TLN1: variants seen among roughly 807,000 people sequenced by gnomAD.
The protein encoded by TLN1 is talin-1.
A neutral mutation model predicts 292.3 loss-of-function variants in TLN1; 56 were observed. The ratio of observed to expected loss-of-function variants is 0.19; its 90% CI spans 0.15 to 0.24. The LOEUF (loss-of-function observed/expected upper bound fraction) is 0.24. Ranked by LOEUF, TLN1 falls within the 10% of genes least tolerant of loss-of-function variation. The pLI is 1.00. For synonymous variants in TLN1, 1,119 were observed against 1,253.7 expected (o/e 0.89, Z 2.27); for missense variants, 2,433 against 3,248.2 (o/e 0.75, Z 6.10).
rs756252096 is a variant in TLN1, at chr9:35,711,397, G to A, written c.3880-3C>T. The A allele has an allele frequency of 1.2e-6, 2 of 1,614,210 alleles. No individual in the cohort carries two copies. The highest frequency in any genetic ancestry group is 1.7e-6 in the Non-Finnish European group (2 of 1,180,036). On this transcript the variant is annotated splice_polypyrimidine_tract_variant and splice_region_variant and intron_variant, in intron 29 of 56. Coordinates refer to ENST00000314888, the MANE Select transcript of TLN1 (RefSeq NM_006289.4). ...ACTTGGGCTCGGTCCTCCTGGCTCTGTTGAAGGTGACAAGGTCAATGCATT... is the reference window on the plus strand; with the variant it reads ...ACTTGGGCTCGGTCCTCCTGGCTCTATTGAAGGTGACAAGGTCAATGCATT...
chr9:35,716,190 T>TAAA (rs11443679), intron 20 of TLN1, among the ~76,000 whole-genome samples, 200 bp downstream of exon 20: 5 of 112,404 alleles, frequency 4.4e-5, no homozygotes, highest in Non-Finnish European at 7.3e-5. Context: ...ACCACATCTT[T>TAAA]AAAAAAAAAA....
chr9:35,726,709 C>T (rs1047471128), intron 1 of TLN1, among the ~76,000 whole-genome samples: 2 of 152,222 alleles, frequency 1.3e-5, no homozygotes, highest in African/African-American at 4.8e-5. Flanking sequence ...TAGCCCTGTA[C>T]TGGGCTTCCC....
intron 48 of TLN1, 96 bp from the exon 49 acceptor site, chr9:35,700,472 A>C: frequency 7.9e-7 from 1 of 1,265,746 alleles, no homozygotes; most frequent in East Asian, 2.4e-5. Flanking sequence ...AGACATTCAC[A>C]CATCACAGTG....
In TLN1 at chr9:35,701,551, G is replaced by C. The variant is rs114235777; in HGVS notation, c.6475-1175C>G. 5.0e-3 allele frequency among the ~76,000 whole-genome samples: 764 copies of C among 152,302 alleles called. 6 individuals are homozygous for C. Among genetic ancestry groups the C allele is most frequent in the African/African-American group, 0.017 (694 of 41,566 alleles). ...CTTCCAAAGCGCTGGGATTTTACAG[G>C]CATCAGCCAGCATGTCCAGACTCTA... On this transcript the variant is annotated intron_variant, in intron 48 of 56. Coordinates refer to ENST00000314888, the MANE Select transcript of TLN1 (RefSeq NM_006289.4).
chr9:35,707,298 A>G lies in TLN1; in HGVS notation c.4774-45T>C. 1 of 1,608,260 alleles carries G rather than the reference A, an allele frequency of 6.2e-7. No individual in the cohort carries two copies. Among genetic ancestry groups the G allele is most frequent in the Non-Finnish European group, 8.5e-7 (1 of 1,175,626 alleles). ...GAAGGTAAGTCTCAGGAGTCCCTGG[A>G]AGATGAGGTGATAAGCTGGCCCATC... is the stretch of plus-strand genomic sequence containing the variant. On this transcript the variant is annotated intron_variant, in intron 36 of 56. Transcript: ENST00000314888. The surrounding 1 kb of genome is among the most constrained non-coding windows in gnomAD (Gnocchi z 5.6).
At chr9:35,711,511 G>C in intron 29 of TLN1, 84 bp downstream of exon 29, 1 of 1,604,542 alleles carries the variant, frequency 6.2e-7, no homozygotes, top group South Asian at 1.1e-5. Flanking sequence ...AGGGAGCCAG[G>C]AGCAAGTCAG....
rs1166077399 is a variant in TLN1 at position 35,717,245 on chromosome 9, C to T, written c.2359G>A (p.Ala787Thr). 2 of 1,614,226 alleles carry T rather than the reference C, an allele frequency of 1.2e-6. No homozygotes were observed. The change falls in exon 19 of 57, where the codon GCC (alanine) becomes ACC (threonine). Residue 787 changes from alanine (A) to threonine (T), a missense_variant. This residue lies in a region of TLN1 where 617 missense variants were observed against 770.6 expected (regional missense o/e 0.80). Transcript: ENST00000314888. The surrounding 1 kb of genome is among the most constrained non-coding windows in gnomAD (Gnocchi z 4.7). ...GCAGGCCCAGCCCCTGTGGCATGGGCTTTCACATGCTGCAGCAGCTCATTT... is the reference window on the plus strand; with the variant it reads ...GCAGGCCCAGCCCCTGTGGCATGGGTTTTCACATGCTGCAGCAGCTCATTT... Reference protein sequence around the residue: ...ALNELLQHVKAHATGAGPAGR... With the variant: ...ALNELLQHVKTHATGAGPAGR...
intron 34 of TLN1, chr9:35,708,094 T>C (rs1378721008): frequency 6.9e-6 from 5 of 720,916 alleles, no homozygotes; most frequent in Middle Eastern, 4.0e-4. Flanking sequence ...GACATACTAA[T>C]GGAGAAACCA....
chr9:35,731,773 C>G (rs1452080420), intron 1 of TLN1, among the ~76,000 whole-genome samples: 1 of 152,198 alleles, frequency 6.6e-6, no homozygotes, highest in Non-Finnish European at 1.5e-5. Flanking sequence ...TCACCCAAAG[C>G]TTTCCTACCC....
Position 35,714,971 on chromosome 9 carries a change from T to C in TLN1, c.2754+88A>G. On this transcript the variant is annotated intron_variant, in intron 21 of 56. Transcript: ENST00000314888. The surrounding 1 kb of genome is among the most constrained non-coding windows in gnomAD (Gnocchi z 4.6). ...GCCCAGGTTATGCCTCAAGGACGTA[T>C]TAACTTACTCTCCGCACCTCCCTTT... 1 of 1,610,770 alleles carries C rather than the reference T, an allele frequency of 6.2e-7. No individual in the cohort carries two copies. The highest frequency in any genetic ancestry group is 8.5e-7 in the Non-Finnish European group (1 of 1,179,670).
rs1029600166 is a variant in TLN1 at position 35,710,587 on chromosome 9, A to G, written c.4300T>C (p.Cys1434Arg). ...DAISTASKALCGFTEAAAQAA... is the reference protein window; with the variant it reads ...DAISTASKALRGFTEAAAQAA... Reference sequence around the variant, plus strand: ...TGTGCAGCTGCCTCGGTGAAGCCACAAAGTGCCTTTGAGGCTGTGGAAATG... The same window carrying G: ...TGTGCAGCTGCCTCGGTGAAGCCACGAAGTGCCTTTGAGGCTGTGGAAATG... Residue 1434 changes from cysteine to arginine, a missense_variant, in exon 33 of 57, where the codon TGT becomes CGT. By Grantham distance (180) the Cys-to-Arg change is radical. This residue lies in a region of TLN1 where 1,384 missense variants were observed against 1,699.6 expected (regional missense o/e 0.81). Transcript: ENST00000314888. The G allele has an allele frequency of 1.2e-6, 2 of 1,613,912 alleles. No homozygotes were observed. Among genetic ancestry groups the G allele is most frequent in the Non-Finnish European group, 1.7e-6 (2 of 1,180,008 alleles).
rs1825403085 is a variant in TLN1, at chr9:35,698,292, A to G, written c.7371+31T>C. ...GTGACAGTTTGAAGCAGTATAGCCC[A>G]AGGGACAATGGGATGGGTCAGGGTT... On this transcript the variant is annotated intron_variant, in intron 55 of 56. Coordinates refer to ENST00000314888, the MANE Select transcript of TLN1 (RefSeq NM_006289.4). This position sits in a 1 kb window ranked among gnomAD's most constrained non-coding sequence, Gnocchi z 5.3. 3.1e-6 allele frequency: 5 copies of G among 1,612,652 alleles called. No individual in the cohort carries two copies. In the East Asian group the frequency reaches 1.1e-4, roughly 36 times the overall value.
Position 35,709,983 on chromosome 9 carries a change from C to CA in TLN1, c.4326+577dup, listed in dbSNP as rs1235458433. On this transcript the variant is annotated intron_variant, in intron 33 of 56. Transcript: ENST00000314888. ...ATTCCAGCACTTTGGGAGGCCGAGG[C>CA]AGGTGGATCACGAGTCAGGATATCG... Among the ~76,000 whole-genome samples the CA allele has an allele frequency of 2.1e-5, 3 of 140,208 alleles. No homozygotes were observed. The East Asian group carries it at 6.4e-4, about 30-fold the overall frequency. 92.0% of individuals were successfully genotyped at this position (140,208 alleles called of 152,430 possible).
At position 35,706,541 on chromosome 9, in the gene TLN1, G is replaced by C; in HGVS notation, c.5099C>G (p.Thr1700Ser). The C allele has an allele frequency of 6.2e-7, 1 of 1,614,012 alleles. No individual in the cohort carries two copies. Among genetic ancestry groups the C allele is most frequent in the Non-Finnish European group, 8.5e-7 (1 of 1,179,980 alleles). Reference sequence around the variant, plus strand: ...CTCTTGGACTGCAGTGAGCATCTGAGTGTGCAAGGCCTGGGGAGGAAGTGG... The same window carrying C: ...CTCTTGGACTGCAGTGAGCATCTGACTGTGCAAGGCCTGGGGAGGAAGTGG... ...REGISQEALH[T>S]QMLTAVQEIS... Residue 1700 changes from threonine to serine, a missense_variant, in exon 39 of 57, where the codon ACT becomes AGT. By Grantham distance (58) the Thr-to-Ser change is moderately conservative. This residue lies in a region of TLN1 where 1,384 missense variants were observed against 1,699.6 expected (regional missense o/e 0.81). Coordinates refer to ENST00000314888, the MANE Select transcript of TLN1 (RefSeq NM_006289.4). This position sits in a 1 kb window ranked among gnomAD's most constrained non-coding sequence, Gnocchi z 4.2.
rs1014268614 is a variant in TLN1 at position 35,717,551 on chromosome 9, A to G, written c.2163+68T>C. On this transcript the variant is annotated intron_variant, in intron 18 of 56. Coordinates refer to ENST00000314888, the MANE Select transcript of TLN1 (RefSeq NM_006289.4). This position sits in a 1 kb window ranked among gnomAD's most constrained non-coding sequence, Gnocchi z 4.7. ...AGGCCTCCAGAGCCAAAGAAATAAA[A>G]TGAAAGGCTCACGTGTGTGTGGTAG... 10 of 1,579,712 alleles carry G rather than the reference A, an allele frequency of 6.3e-6. No homozygotes were observed. In the African/African-American group the frequency reaches 1.2e-4, roughly 19 times the overall value.
intron 11 of TLN1, 65 bp downstream of exon 11, chr9:35,720,747 T>C (rs1825866858): frequency 6.7e-7 from 1 of 1,501,356 alleles, no homozygotes. Flanking sequence ...TGCCCATTTC[T>C]AAAGGACTGG....
At chr9:35,712,419 G>A (rs999575915) in intron 27 of TLN1, among the ~76,000 whole-genome samples, 1 of 152,182 alleles carries the variant, frequency 6.6e-6, no homozygotes, top group African/African-American at 2.4e-5. Context: ...GCCGAGGGGG[G>A]CAGATCACGA....
At chr9:35,716,886 A>G (rs1460726009) in intron 19 of TLN1, among the ~76,000 whole-genome samples, 2 of 152,010 alleles carry the variant, frequency 1.3e-5, no homozygotes, top group Non-Finnish European at 2.9e-5. Context: ...CTTTCATGTC[A>G]CTTTCTATAT....
intron 48 of TLN1, among the ~76,000 whole-genome samples, chr9:35,702,472 A>C (rs1825481834): frequency 6.6e-6 from 1 of 152,082 alleles, no homozygotes; most frequent in Admixed American, 6.5e-5. Context: ...AGGCCAAGGG[A>C]AGAAAGAATT....
Sources: gnomAD v4.1 joint callset for allele counts (sites outside exome capture counted in the v4.1 genomes callset) on GRCh38, gnomAD v4.1.1 for gene constraint, gnomAD v4.1.1 regional missense constraint, Gnocchi (gnomAD v3.1) non-coding constraint, MANE v1.5 for transcripts, NCBI Gene and HGNC (gene_info 2026-07-23, HGNC 2026-07-21) for gene names.